The following KERA variants were observed in gnomAD, a reference collection of about 807,000 sequenced individuals.
The protein encoded by KERA is keratan sulfate proteoglycan keratocan.
In KERA, 25 loss-of-function variants were observed where a neutral mutation model predicts 26.4. The observed-to-expected ratio is 0.95, with a 90% CI of 0.69 to 1.32. KERA has a LOEUF of 1.32. Among genes scored for constraint, KERA ranks in the 40% most tolerant of loss-of-function variants. The pLI, the probability that KERA is intolerant of heterozygous loss-of-function variation, is 0.00. For missense variants in KERA, 434 were observed against 408.9 expected, an observed-to-expected ratio of 1.06 and a Z score of -0.53; for synonymous variants, 167 against 146.1, an observed-to-expected ratio of 1.14 and a Z score of -1.03.
At position 91,051,385 on chromosome 12, in the gene KERA, T is replaced by C. The variant is rs1389650519; in HGVS notation, c.1020A>G (p.Leu340=). Reference sequence around the variant, plus strand: ...CCTGCAGAAGTCTGAAGCAGGTCATTAAAGCCATTGGAATTGGTGGTTTGA... The same window carrying C: ...CCTGCAGAAGTCTGAAGCAGGTCATCAAAGCCATTGGAATTGGTGGTTTGA... The part of the protein sequence containing the change: ...NEIKPPIPMA[L]MTCFRLLQAV... Residue 340 remains leucine, a synonymous_variant, in exon 3 of 3, where the codon TTA becomes TTG. Coordinates refer to ENST00000266719, the MANE Select transcript of KERA (RefSeq NM_007035.4). The C allele has an allele frequency of 1.2e-5, 20 of 1,611,358 alleles. No individual in the cohort carries two copies. The highest frequency in any genetic ancestry group is 1.6e-5 in the Non-Finnish European group (19 of 1,178,152).
intron 2 of KERA, among the ~76,000 whole-genome samples, chr12:91,053,611 T>C (rs909769218): frequency 6.6e-6 from 1 of 151,222 alleles, no homozygotes; most frequent in African/African-American, 2.4e-5. Context: ...ATTCTGGGGG[T>C]AGGAAACAGC....
chr12:91,051,868 T>A (rs1391848825), intron 2 of KERA, among the ~76,000 whole-genome samples: 1 of 151,476 alleles, frequency 6.6e-6, no homozygotes, highest in Non-Finnish European at 1.5e-5. Context: ...TAGGTAGGAT[T>A]TAGGGCATCA....
chr12:91,057,244 A>G lies in KERA; in HGVS notation c.-9+500T>C, dbSNP rs190627582. ...GGAAAGTAGGTTAGCGTTTACTAAT[A>G]TTTGATACATTTAAAACACATAAAC... On this transcript the variant is annotated intron_variant, in intron 1 of 2. Transcript: ENST00000266719. Among the ~76,000 whole-genome samples, 3 of 150,252 alleles carry G rather than the reference A, an allele frequency of 2.0e-5. No individual in the cohort carries two copies. The East Asian group carries it at 5.9e-4, about 29-fold the overall frequency.
In KERA at chr12:91,057,796, TA is replaced by T. The variant is rs1439788035; in HGVS notation, c.-62del. The T allele has an allele frequency of 2.0e-5, 3 of 149,920 alleles. No individual in the cohort carries two copies. In the East Asian group the frequency reaches 5.9e-4, roughly 29 times the overall value. 9.3% of individuals were successfully genotyped at this position (149,920 alleles called of 1,614,324 possible). A position where few individuals can be genotyped will look rare whatever the true frequency, so the allele number is the denominator to read the frequency against. On this transcript the variant is annotated 5_prime_UTR_variant, in exon 1 of 3. Coordinates refer to ENST00000266719, the MANE Select transcript of KERA (RefSeq NM_007035.4). ...TCCTGTGTCTCAGTCTGAGGTTTGC[TA>T]AAAATCAGTTAAGAGAAAAAAAAAA...
chr12:91,055,205 T>C (rs1287018051), intron 2 of KERA, among the ~76,000 whole-genome samples, 191 bp downstream of exon 2: 2 of 151,134 alleles, frequency 1.3e-5, no homozygotes, highest in African/African-American at 2.4e-5. Context: ...GTTTGAAGAT[T>C]TGGACTTCTT....
rs1239508367 is a variant in KERA, at chr12:91,051,007, T to C, written c.*339A>G. 4.3e-6 allele frequency: 1 copy of C among 230,046 alleles called. No homozygotes were observed. Among genetic ancestry groups the C allele is most frequent in the Non-Finnish European group, 8.8e-6 (1 of 113,432 alleles). The allele number at this position is 230,046 out of a possible 1,614,324, so 14.3% of individuals were successfully genotyped here. A position where few individuals can be genotyped will look rare whatever the true frequency, so the allele number is the denominator to read the frequency against. On this transcript the variant is annotated 3_prime_UTR_variant, in exon 3 of 3. Coordinates refer to ENST00000266719, the MANE Select transcript of KERA (RefSeq NM_007035.4). Reference sequence around the variant, plus strand: ...ATTACGGTATCTGCATAAGTAATTTTAAACATACACAAATGTGTCCTTTTT... The same window carrying C: ...ATTACGGTATCTGCATAAGTAATTTCAAACATACACAAATGTGTCCTTTTT...
intron 1 of KERA, among the ~76,000 whole-genome samples, chr12:91,057,269 C>A (rs552083334): frequency 6.7e-6 from 1 of 149,712 alleles, no homozygotes; most frequent in South Asian, 2.1e-4. Flanking sequence ...AACACATAAA[C>A]CCTCCCCACT....
intron 1 of KERA, among the ~76,000 whole-genome samples, chr12:91,056,661 A>C (rs575192869): frequency 6.6e-6 from 1 of 151,248 alleles, no homozygotes. Context: ...TAAAAACTCA[A>C]ACTGGGAATC....
intron 1 of KERA, among the ~76,000 whole-genome samples, chr12:91,057,320 G>T (rs1273990717): frequency 1.4e-5 from 2 of 147,828 alleles, no homozygotes; most frequent in African/African-American, 4.9e-5. Flanking sequence ...ATTTTAACAG[G>T]AAATATACAT....
intron 2 of KERA, among the ~76,000 whole-genome samples, chr12:91,051,839 A>C (rs1297715214): frequency 6.6e-6 from 1 of 151,534 alleles, no homozygotes. Flanking sequence ...AGGTAAGATA[A>C]AGCACATTTA....
At chr12:91,052,241 A>C (rs554733789) in intron 2 of KERA, among the ~76,000 whole-genome samples, 48 of 151,654 alleles carry the variant, frequency 3.2e-4, no homozygotes, top group Admixed American at 4.6e-4. Context: ...CTTGGATCAA[A>C]GCCCTTGGCA....
Position 91,057,868 on chromosome 12 carries a change from C to CT in KERA, c.-134dup, listed in dbSNP as rs1879057301. 6.6e-6 allele frequency: 1 copy of CT among 150,990 alleles called. No homozygotes were observed. Among genetic ancestry groups the CT allele is most frequent in the African/African-American group, 2.4e-5 (1 of 41,258 alleles). 9.4% of individuals were successfully genotyped at this position (150,990 alleles called of 1,614,324 possible). A position where few individuals can be genotyped will look rare whatever the true frequency, so the allele number is the denominator to read the frequency against. On this transcript the variant is annotated 5_prime_UTR_variant, in exon 1 of 3. The change abolishes the stop of an existing upstream ORF in the 5' untranslated region. Coordinates refer to ENST00000266719, the MANE Select transcript of KERA (RefSeq NM_007035.4). ...TTTTTACTTTAAGCTGTCAAGTCGT[C>CT]TATGAGAAACAGTGAAACCTACTCG...
rs1256792703 is a variant in KERA at position 91,051,059 on chromosome 12, TTAGTG to T, written c.*282_*286del. 2.9e-6 allele frequency: 1 copy of T among 339,266 alleles called. No homozygotes were observed. Among genetic ancestry groups the T allele is most frequent in the Non-Finnish European group, 5.6e-6 (1 of 177,962 alleles). 21.0% of individuals were successfully genotyped at this position (339,266 alleles called of 1,614,324 possible). A position where few individuals can be genotyped will look rare whatever the true frequency, so the allele number is the denominator to read the frequency against. ...TTGTATAAGAATGTAATTGTTTTCT[TTAGTG>T]TTAATAAGCTATGGAAGAGACCAAA... On this transcript the variant is annotated 3_prime_UTR_variant, in exon 3 of 3. Coordinates refer to ENST00000266719, the MANE Select transcript of KERA (RefSeq NM_007035.4).
chr12:91,055,281 C>A, intron 2 of KERA, 115 bp downstream of exon 2: 1 of 946,404 alleles, frequency 1.1e-6, no homozygotes, highest in African/African-American at 1.7e-5. Context: ...CACTAAAAAT[C>A]TAAAGGAACA....
intron 1 of KERA, among the ~76,000 whole-genome samples, chr12:91,056,493 G>A (rs1017861123): frequency 2.0e-5 from 3 of 151,116 alleles, no homozygotes; most frequent in Admixed American, 6.6e-5. Context: ...ATAATTCACC[G>A]ACTTGTAGCT....
Position 91,055,458 on chromosome 12 carries a change from G to A in KERA, c.824C>T (p.Thr275Ile). The change falls in exon 2 of 3, where the codon ACA becomes ATA. Residue 275 changes from threonine (T) to isoleucine (I), a missense_variant. Thr to Ile is a moderately conservative substitution (Grantham distance 89). Transcript: ENST00000266719. ...LDLQLSHNQLTKVPRISAHLQ... is the reference protein window; with the variant it reads ...LDLQLSHNQLIKVPRISAHLQ... ...ATGAGCACTGATTCGGGGAACCTTT[G>A]TGAGTTGATTGTGCGACAGTTGAAG... 6.2e-7 allele frequency: 1 copy of A among 1,610,374 alleles called. No individual in the cohort carries two copies. Among genetic ancestry groups the A allele is most frequent in the Non-Finnish European group, 8.5e-7 (1 of 1,177,698 alleles).
At chr12:91,053,083 G>A (rs915996162) in intron 2 of KERA, among the ~76,000 whole-genome samples, 1 of 151,318 alleles carries the variant, frequency 6.6e-6, no homozygotes, top group Non-Finnish European at 1.5e-5. Context: ...TTTTCATAGA[G>A]GAGATATGTT....
chr12:91,053,924 G>A (rs1878924956), intron 2 of KERA, among the ~76,000 whole-genome samples: 1 of 151,300 alleles, frequency 6.6e-6, no homozygotes, highest in South Asian at 2.1e-4. Flanking sequence ...GGGCTTTTAA[G>A]GAATGTACCT....
At chr12:91,057,366 ATATATATT>A (rs1879035604) in intron 1 of KERA, among the ~76,000 whole-genome samples, 1 of 13,960 alleles carries the variant, frequency 7.2e-5, no homozygotes, top group African/African-American at 3.3e-4. Context: ...CATATGTTAC[ATATATATT>A]TATATATATA....
Sources: gnomAD v4.1 joint callset for allele counts (sites outside exome capture counted in the v4.1 genomes callset) on GRCh38, gnomAD v4.1.1 for gene constraint, MANE v1.5 for transcripts, NCBI Gene and HGNC (gene_info 2026-07-23, HGNC 2026-07-21) for gene names.